Variants in F2RL2 observed in about 807,000 individuals in gnomAD.
The protein encoded by F2RL2 is coagulation factor II thrombin receptor like 2.
A neutral mutation model predicts 4.3 loss-of-function variants in F2RL2; 4 were observed. That is an observed-to-expected ratio of 0.93 (90% CI 0.46 to 2.12). The LOEUF is 2.12. F2RL2 is among the 30% of genes most tolerant of loss of function. F2RL2 has a pLI of 0.02. For missense variants in F2RL2, 408 were observed against 449.3 expected (o/e 0.91, Z 0.83); for synonymous variants, 166 against 170.9 (o/e 0.97, Z 0.22).
rs905578728 is a variant in F2RL2 at position 76,616,683 on chromosome 5, C to G, written c.*899G>C. 2 of 152,286 alleles carry G rather than the reference C, an allele frequency of 1.3e-5. No homozygotes were observed. Among genetic ancestry groups the G allele is most frequent in the African/African-American group, 2.4e-5 (1 of 41,272 alleles). The allele number at this position is 152,286 out of a possible 1,614,324, so 9.4% of individuals were successfully genotyped here. A position where few individuals can be genotyped will look rare whatever the true frequency, so the allele number is the denominator to read the frequency against. ...CCTGGGCAACAGTGAGACTCCATCT[C>G]TGCAAAAAATAAAAAATAAAATTAG... On this transcript the variant is annotated 3_prime_UTR_variant, in exon 2 of 2. Coordinates refer to ENST00000296641, the MANE Select transcript of F2RL2 (RefSeq NM_004101.4).
At chr5:76,618,932 G>A (rs1580630095) in intron 1 of F2RL2, among the ~76,000 whole-genome samples, 1 of 152,272 alleles carries the variant, frequency 6.6e-6, no homozygotes, top group East Asian at 1.9e-4. Flanking sequence ...TAGGCATGTT[G>A]ACTACAAACT....
chr5:76,619,031 T>A (rs2069680), intron 1 of F2RL2, among the ~76,000 whole-genome samples: 59,212 of 152,090 alleles, frequency 0.39, 12,986 homozygotes, highest in Non-Finnish European at 0.51. Context: ...CTAGCAAGGT[T>A]CCTAAAAAGA....
At position 76,617,599 on chromosome 5, in the gene F2RL2, C is replaced by T; in HGVS notation, c.1108G>A (p.Ala370Thr). The T allele has an allele frequency of 1.2e-6, 2 of 1,611,674 alleles. No individual in the cohort carries two copies. Among genetic ancestry groups the T allele is most frequent in the Non-Finnish European group, 1.7e-6 (2 of 1,178,748 alleles). Residue 370 changes from alanine to threonine, a missense_variant, in exon 2 of 2, where the codon GCT becomes ACT. Physicochemically the swap from Ala to Thr is moderately conservative, Grantham distance 58 (BLOSUM62 0). Coordinates refer to ENST00000296641, the MANE Select transcript of F2RL2 (RefSeq NM_004101.4). ...TCATTTCACTATTTTGTAAGGTAAG[C>T]AGTGGAGTGATTTCTGGTTTTTGAC... ...LMSKTRNHST[A>T]YLTK
rs1225714163 is a variant in F2RL2 at position 76,617,672 on chromosome 5, G to A, written c.1035C>T (p.Cys345=). The change falls in exon 2 of 2, where the codon TGC becomes TGT. Residue 345 remains cysteine (C), a synonymous_variant. Coordinates refer to ENST00000296641, the MANE Select transcript of F2RL2 (RefSeq NM_004101.4). The part of the protein sequence containing the change: ...GLYFIYLIAL[C]LGSLNSCLDP... ...CTAAGCAACTATTAAGACTACCCAG[G>A]CACAAAGCTATGAGATATATAAAAT... 1.2e-6 allele frequency: 2 copies of A among 1,613,978 alleles called. No individual in the cohort carries two copies. Among genetic ancestry groups the A allele is most frequent in the Non-Finnish European group, 1.7e-6 (2 of 1,179,978 alleles).
At position 76,618,619 on chromosome 5, in the gene F2RL2, A is replaced by C. The variant is rs747121943; in HGVS notation, c.88T>G (p.Leu30Val). 1.9e-6 allele frequency: 3 copies of C among 1,612,578 alleles called. No individual in the cohort carries two copies. The South Asian group carries it at 3.3e-5, about 18-fold the overall frequency. Residue 30 changes from leucine (L) to valine (V), a missense_variant, in exon 2 of 2, where the codon TTG (leucine) becomes GTG (valine). Physicochemically the swap from Leu to Val is conservative, Grantham distance 32 (BLOSUM62 1). Coordinates refer to ENST00000296641, the MANE Select transcript of F2RL2 (RefSeq NM_004101.4). ...QSGMENDTNN[L>V]AKPTLPIKTF... ...TTAATGGGTAAGGTTGGCTTTGCCA[A>C]GTTGTTTGTATCATTTTCCATGCCT...
chr5:76,623,399 G>A lies in F2RL2; in HGVS notation c.-169C>T. The A allele has an allele frequency of 1.5e-6, 1 of 676,434 alleles. No homozygotes were observed. Among genetic ancestry groups the A allele is most frequent in the African/African-American group, 1.8e-5 (1 of 55,360 alleles). The allele number at this position is 676,434 out of a possible 1,614,324, so 41.9% of individuals were successfully genotyped here. A position where few individuals can be genotyped will look rare whatever the true frequency, so the allele number is the denominator to read the frequency against. On this transcript the variant is annotated 5_prime_UTR_variant, in exon 1 of 2. Transcript: ENST00000296641. ...GAAACTTGCCCTGGTCCTCCGCAGG[G>A]AAAGGATGTAATCCACTCGATGCTT...
rs760425377 is a variant in F2RL2, at chr5:76,617,753, A to G, written c.954T>C (p.Asn318=). Residue 318 remains asparagine (N), a synonymous_variant, in exon 2 of 2, where the codon AAT becomes AAC. Transcript: ENST00000296641. ...VIFTICFAPS[N]IILIIHHANY... ...TAGCATGGTGAATAATAAGAATAAT[A>G]TTGCTTGGAGCAAAGCAAATGGTAA... 3.7e-6 allele frequency: 6 copies of G among 1,613,910 alleles called. No homozygotes were observed. The highest frequency in any genetic ancestry group is 3.3e-5 in the Admixed American group (2 of 60,020).
At chr5:76,620,675 G>T (rs1423023952) in intron 1 of F2RL2, among the ~76,000 whole-genome samples, 1 of 152,140 alleles carries the variant, frequency 6.6e-6, no homozygotes, top group Non-Finnish European at 1.5e-5. Context: ...TAATGGGAGT[G>T]GTTGAGATGG....
chr5:76,622,427 T>G (rs1278420151), intron 1 of F2RL2, among the ~76,000 whole-genome samples: 1 of 152,218 alleles, frequency 6.6e-6, no homozygotes, highest in Non-Finnish European at 1.5e-5. Context: ...TTTCTGTTTT[T>G]GTTTCCCTTG....
Position 76,617,555 on chromosome 5 carries a change from C to T in F2RL2, c.*27G>A. 6.4e-7 allele frequency: 1 copy of T among 1,551,826 alleles called. No homozygotes were observed. Among genetic ancestry groups the T allele is most frequent in the Non-Finnish European group, 8.8e-7 (1 of 1,139,464 alleles). On this transcript the variant is annotated 3_prime_UTR_variant, in exon 2 of 2. Coordinates refer to ENST00000296641, the MANE Select transcript of F2RL2 (RefSeq NM_004101.4). ...TGAAAACAGACGTTCTCTGTGATGG[C>T]TGTCCTTGTTCTCTAAGATCATTTC...
chr5:76,615,521 T>C lies in F2RL2; in HGVS notation c.*2061A>G, dbSNP rs1226866603. The C allele has an allele frequency of 3.9e-5, 6 of 152,242 alleles. No homozygotes were observed. Among genetic ancestry groups the C allele is most frequent in the African/African-American group, 9.6e-5 (4 of 41,478 alleles). The allele number at this position is 152,242 out of a possible 1,614,324, so 9.4% of individuals were successfully genotyped here. A position where few individuals can be genotyped will look rare whatever the true frequency, so the allele number is the denominator to read the frequency against. ...TTTTTTATTGTTTTGTTGGGCAGTA[T>C]GAAATATACAGTCAAGGCAGATTCG... is the stretch of plus-strand genomic sequence containing the variant. On this transcript the variant is annotated 3_prime_UTR_variant, in exon 2 of 2. Transcript: ENST00000296641.
rs1167103875 is a variant in F2RL2 at position 76,618,258 on chromosome 5, A to G, written c.449T>C (p.Ile150Thr). The change falls in exon 2 of 2, where the codon ATA (isoleucine) becomes ACA (threonine). Residue 150 changes from isoleucine to threonine, a missense_variant. Coordinates refer to ENST00000296641, the MANE Select transcript of F2RL2 (RefSeq NM_004101.4). ...FLFCVTLPFKIAYHLNGNNWV... is the reference protein window; with the variant it reads ...FLFCVTLPFKTAYHLNGNNWV... The stretch of plus-strand genomic sequence containing the variant: ...GTTGTTCCCATTGAGATGATAAGCT[A>G]TCTTAAAGGGCAATGTAACACAAAA... The G allele has an allele frequency of 1.9e-6, 3 of 1,614,222 alleles. No individual in the cohort carries two copies. The highest frequency in any genetic ancestry group is 2.5e-6 in the Non-Finnish European group (3 of 1,180,036).
Position 76,617,679 on chromosome 5 carries a change from G to A in F2RL2, c.1028C>T (p.Ala343Val), listed in dbSNP as rs990353044. Residue 343 changes from alanine to valine, a missense_variant, in exon 2 of 2, where the codon GCT becomes GTT. Physicochemically the swap from Ala to Val is moderately conservative, Grantham distance 64 (BLOSUM62 0). Transcript: ENST00000296641. ...TDGLYFIYLIALCLGSLNSCL... is the reference protein window; with the variant it reads ...TDGLYFIYLIVLCLGSLNSCL... ...ACTATTAAGACTACCCAGGCACAAAGCTATGAGATATATAAAATATAAGCC... is the reference window on the plus strand; with the variant it reads ...ACTATTAAGACTACCCAGGCACAAAACTATGAGATATATAAAATATAAGCC... 1.1e-5 allele frequency: 17 copies of A among 1,613,932 alleles called. No individual in the cohort carries two copies. Among genetic ancestry groups the A allele is most frequent in the Non-Finnish European group, 1.2e-5 (14 of 1,180,012 alleles).
intron 1 of F2RL2, among the ~76,000 whole-genome samples, chr5:76,622,570 G>A (rs937003051): frequency 2.6e-5 from 4 of 152,166 alleles, no homozygotes; most frequent in African/African-American, 9.7e-5. Context: ...GGCTAACATT[G>A]TGATGGGTAA....
Position 76,623,153 on chromosome 5 carries a change from A to G in F2RL2, c.64+14T>C. 6.2e-7 allele frequency: 1 copy of G among 1,613,976 alleles called. No individual in the cohort carries two copies. The highest frequency in any genetic ancestry group is 8.5e-7 in the Non-Finnish European group (1 of 1,179,816). Reference sequence around the variant, plus strand: ...ACCCACATCCCCATCCTACCCCCTGAGAAAATTGCTTACCACTCTGACAAA... The same window carrying G: ...ACCCACATCCCCATCCTACCCCCTGGGAAAATTGCTTACCACTCTGACAAA... On this transcript the variant is annotated intron_variant, in intron 1 of 1. Coordinates refer to ENST00000296641, the MANE Select transcript of F2RL2 (RefSeq NM_004101.4).
Position 76,618,438 on chromosome 5 carries a change from C to A in F2RL2, c.269G>T (p.Ser90Ile), listed in dbSNP as rs776459252. 1 of 1,614,070 alleles carries A rather than the reference C, an allele frequency of 6.2e-7. No homozygotes were observed. Among genetic ancestry groups the A allele is most frequent in the African/African-American group, 1.3e-5 (1 of 74,922 alleles). Residue 90 changes from serine to isoleucine, a missense_variant, in exon 2 of 2, where the codon AGC (serine) becomes ATC (isoleucine). Transcript: ENST00000296641. ...AGGTATCAGTTTAGTACTTAAGGAG[C>A]TGGTCAGGTACCCCATGGTAGCATT... ...VKNATMGYLT[S>I]SLSTKLIPAI...
chr5:76,618,201 G>A lies in F2RL2; in HGVS notation c.506C>T (p.Thr169Ile), dbSNP rs1749199200. 2 of 1,614,152 alleles carry A rather than the reference G, an allele frequency of 1.2e-6. No homozygotes were observed. Among genetic ancestry groups the A allele is most frequent in the Non-Finnish European group, 1.7e-6 (2 of 1,180,030 alleles). Residue 169 changes from threonine to isoleucine, a missense_variant, in exon 2 of 2, where the codon ACC becomes ATC. Transcript: ENST00000296641. ...CATGTTGCCATAGAAGATGACTGTG[G>A]TGGCCCGGCACAGGACCTCTCCAAA... ...WVFGEVLCRA[T>I]TVIFYGNMYC...
chr5:76,620,835 G>A (rs772580250), intron 1 of F2RL2, among the ~76,000 whole-genome samples: 20 of 152,176 alleles, frequency 1.3e-4, no homozygotes, highest in Non-Finnish European at 2.8e-4. Flanking sequence ...TTAAAAGATA[G>A]AAACACATCA....
intron 1 of F2RL2, among the ~76,000 whole-genome samples, chr5:76,622,794 A>G (rs906652665): frequency 6.6e-6 from 1 of 152,216 alleles, no homozygotes; most frequent in African/African-American, 2.4e-5. Context: ...ATGTCTCACC[A>G]AGAGGTTTAA....
Sources: gnomAD v4.1 joint callset for allele counts (sites outside exome capture counted in the v4.1 genomes callset) on GRCh38, gnomAD v4.1.1 for gene constraint, MANE v1.5 for transcripts, NCBI Gene and HGNC (gene_info 2026-07-23, HGNC 2026-07-21) for gene names.